Variants in BBS4 observed in about 807,000 individuals in gnomAD.
BBS4 encodes Bardet-Biedl syndrome 4, also known as BBSome complex member BBS4.
In BBS4, 58 loss-of-function variants were observed where a neutral mutation model predicts 71.4. The ratio of observed to expected loss-of-function variants is 0.81; its 90% CI spans 0.66 to 1.01. The LOEUF is 1.01. BBS4 is among the 50% of genes least tolerant of loss of function. BBS4 has a pLI of 0.00. For synonymous variants in BBS4, 228 were observed against 216.8 expected, an observed-to-expected ratio of 1.05 and a Z score of -0.46; for missense variants, 660 against 607.9, an observed-to-expected ratio of 1.09 and a Z score of -0.90.
chr15:72,717,149 G>A, intron 6 of BBS4: 1 of 377,438 alleles, frequency 2.6e-6, no homozygotes, highest in Non-Finnish European at 4.9e-6. Flanking sequence ...CACAGTATCA[G>A]CAATAGGCAT....
Position 72,689,444 on chromosome 15 carries a change from G to A in BBS4, c.24+3193G>A, listed in dbSNP as rs1340605283. Among the ~76,000 whole-genome samples, 3 of 152,176 alleles carry A rather than the reference G, an allele frequency of 2.0e-5. No homozygotes were observed. In the East Asian group the frequency reaches 5.8e-4, roughly 29 times the overall value. On this transcript the variant is annotated intron_variant, in intron 1 of 15. Coordinates refer to ENST00000268057, the MANE Select transcript of BBS4 (RefSeq NM_033028.5). ...ATAGTTTAGAATTCTTAAAAAATGA[G>A]CAAACAGGCTGTACTTGGTGGCTCA...
chr15:72,729,806 A>C (rs1207911161), intron 10 of BBS4, 122 bp downstream of exon 10: 7 of 803,442 alleles, frequency 8.7e-6, no homozygotes, highest in Non-Finnish European at 1.5e-5. Context: ...AATAGAAAAA[A>C]TATAAATAAA....
intron 3 of BBS4, 58 bp from the exon 4 acceptor site, chr15:72,712,186 T>G: frequency 1.3e-6 from 2 of 1,545,516 alleles, no homozygotes; most frequent in African/African-American, 1.4e-5. Flanking sequence ...CCACTTTTTC[T>G]TAAAGACACC....
chr15:72,715,427 C>T lies in BBS4; in HGVS notation c.332+25C>T, dbSNP rs1791579184. 3.3e-6 allele frequency: 5 copies of T among 1,498,052 alleles called. No homozygotes were observed. In the African/African-American group the frequency reaches 4.1e-5, roughly 12 times the overall value. The allele number at this position is 1,498,052 out of a possible 1,614,324, so 92.8% of individuals were successfully genotyped here. On this transcript the variant is annotated intron_variant, in intron 5 of 15. Coordinates refer to ENST00000268057, the MANE Select transcript of BBS4 (RefSeq NM_033028.5). ...TGTGAGTATTGGCAACCTGGAGGCC[C>T]TAGGGCACTCACAGAGAACAGTGTA...
chr15:72,686,816 A>T, intron 1 of BBS4: 1 of 349,644 alleles, frequency 2.9e-6, no homozygotes, highest in Non-Finnish European at 5.6e-6. Flanking sequence ...TTTGAGGCAT[A>T]TATCTATAAT....
At chr15:72,728,616 C>A (rs2065748006) in intron 9 of BBS4, among the ~76,000 whole-genome samples, 1 of 152,100 alleles carries the variant, frequency 6.6e-6, no homozygotes, top group Non-Finnish European at 1.5e-5. Flanking sequence ...GCACTTAGGG[C>A]TTTGGGGCAA....
chr15:72,707,099 T>C (rs545193161), intron 2 of BBS4, among the ~76,000 whole-genome samples: 1 of 151,946 alleles, frequency 6.6e-6, no homozygotes, highest in African/African-American at 2.4e-5. Flanking sequence ...TGTTTCTCCT[T>C]AGGTTGCAGA....
intron 12 of BBS4, among the ~76,000 whole-genome samples, chr15:72,734,675 T>G (rs2151052696): frequency 6.6e-6 from 1 of 152,158 alleles, no homozygotes; most frequent in East Asian, 1.9e-4. Context: ...ATACTGATTT[T>G]AAAAAGTGGG....
At chr15:72,699,334 A>G (rs2065132002) in intron 2 of BBS4, among the ~76,000 whole-genome samples, 1 of 151,994 alleles carries the variant, frequency 6.6e-6, no homozygotes, top group Non-Finnish European at 1.5e-5. Context: ...GATCCACCCC[A>G]AAGCCTCCCA....
intron 8 of BBS4, 24 bp downstream of exon 8, chr15:72,724,679 A>G (rs371322825): frequency 3.7e-6 from 6 of 1,612,890 alleles, no homozygotes; most frequent in Non-Finnish European, 5.1e-6. Flanking sequence ...TTTCCTTTAA[A>G]ACAGTGAGAA....
At chr15:72,725,272 T>C (rs888649781) in intron 8 of BBS4, among the ~76,000 whole-genome samples, 13 of 152,096 alleles carry the variant, frequency 8.5e-5, no homozygotes, top group African/African-American at 3.1e-4. Context: ...TCTTGCTGTG[T>C]TGCCCAGGCT....
chr15:72,700,730 C>T (rs2065155499), intron 2 of BBS4, among the ~76,000 whole-genome samples: 1 of 152,030 alleles, frequency 6.6e-6, no homozygotes, highest in African/African-American at 2.4e-5. Flanking sequence ...TGTTTTACTA[C>T]TTTCATTTTA....
intron 2 of BBS4, among the ~76,000 whole-genome samples, chr15:72,702,655 A>G (rs1163121431): frequency 2.6e-5 from 4 of 152,064 alleles, no homozygotes; most frequent in South Asian, 2.1e-4. Context: ...TCTTGAGTCA[A>G]TACTGACTCA....
chr15:72,691,629 C>T (rs1274528538), intron 1 of BBS4, among the ~76,000 whole-genome samples: 1 of 151,920 alleles, frequency 6.6e-6, no homozygotes, highest in African/African-American at 2.4e-5. Context: ...TTATCCATTC[C>T]ACTAGATGGA....
intron 7 of BBS4, among the ~76,000 whole-genome samples, chr15:72,723,988 C>G (rs1361249960): frequency 6.6e-6 from 1 of 152,118 alleles, no homozygotes; most frequent in African/African-American, 2.4e-5. Context: ...CTAAACAAAG[C>G]CCTTTTGTTT....
chr15:72,718,772 A>G (rs749284223), intron 6 of BBS4, among the ~76,000 whole-genome samples: 2 of 152,218 alleles, frequency 1.3e-5, no homozygotes, highest in Non-Finnish European at 2.9e-5. Flanking sequence ...CTCAACTAGA[A>G]TAGGAAATGA....
rs773787221 is a variant in BBS4 at position 72,737,669 on chromosome 15, G to A, written c.*82G>A. ...GGAAAGGTGACATGACACAGGCAGA[G>A]CAGAGTGGCACCCACCACAGAATAC... On this transcript the variant is annotated 3_prime_UTR_variant, in exon 16 of 16. Transcript: ENST00000268057. 8.9e-7 allele frequency: 1 copy of A among 1,118,230 alleles called. No individual in the cohort carries two copies. The highest frequency in any genetic ancestry group is 1.3e-5 in the South Asian group (1 of 74,886). 69.3% of individuals were successfully genotyped at this position (1,118,230 alleles called of 1,614,324 possible). A position where few individuals can be genotyped will look rare whatever the true frequency, so the allele number is the denominator to read the frequency against.
chr15:72,736,303 G>A (rs528318560), intron 14 of BBS4, among the ~76,000 whole-genome samples: 8 of 146,220 alleles, frequency 5.5e-5, no homozygotes, highest in Admixed American at 2.1e-4. Context: ...GTGCAATGGC[G>A]CAATCTCAGT....
intron 4 of BBS4, among the ~76,000 whole-genome samples, chr15:72,713,919 G>T (rs897915072): frequency 6.6e-6 from 1 of 152,176 alleles, no homozygotes; most frequent in Non-Finnish European, 1.5e-5. Flanking sequence ...TATAATTACT[G>T]TGTTGGATTT....
Sources: allele counts gnomAD v4.1 joint callset (sites outside exome capture counted in the v4.1 genomes callset), GRCh38; gene constraint gnomAD v4.1.1; transcripts MANE v1.5; gene names NCBI Gene and HGNC (gene_info 2026-07-23, HGNC 2026-07-21).